MYO5B: variants seen among roughly 807,000 people sequenced by gnomAD.
MYO5B encodes myosin VB.
MYO5B carries 143 observed loss-of-function variants against 229.3 expected under a neutral mutation model. That is an observed-to-expected ratio of 0.62 (90% CI 0.54 to 0.72). The LOEUF is 0.72. Among genes scored for constraint, MYO5B ranks in the 30% least tolerant of loss-of-function variants. MYO5B has a pLI of 0.00. For missense variants in MYO5B, 2,321 were observed against 2,331.0 expected (o/e 1.00, Z 0.09); for synonymous variants, 918 against 885.2 (o/e 1.04, Z -0.66).
At chr18:50,186,142 C>G (rs1172671884) in intron 1 of MYO5B, among the ~76,000 whole-genome samples, 1 of 152,200 alleles carries the variant, frequency 6.6e-6, no homozygotes, top group Non-Finnish European at 1.5e-5. Flanking sequence ...TTTTCTAAGT[C>G]TTGGAAACCC....
chr18:49,932,197 C>T (rs1438372077), intron 16 of MYO5B, among the ~76,000 whole-genome samples: 1 of 152,236 alleles, frequency 6.6e-6, no homozygotes, highest in East Asian at 1.9e-4. Context: ...ATCCCCACAT[C>T]ATGCTTCCTG....
chr18:49,864,023 CGA>C (rs2024363619), intron 28 of MYO5B, 116 bp downstream of exon 28: 10 of 1,482,590 alleles, frequency 6.7e-6, no homozygotes, highest in Non-Finnish European at 9.1e-6. Flanking sequence ...GACCCCACAG[CGA>C]GAGACTCTGC....
At chr18:49,830,447 T>C (rs1440672712) in intron 39 of MYO5B, among the ~76,000 whole-genome samples, 1 of 152,182 alleles carries the variant, frequency 6.6e-6, no homozygotes, top group Non-Finnish European at 1.5e-5. Context: ...ACAGATTCAG[T>C]GCAATCCCTA....
chr18:50,171,685 G>A (rs2032921953), intron 1 of MYO5B, among the ~76,000 whole-genome samples: 1 of 128,230 alleles, frequency 7.8e-6, no homozygotes, highest in Non-Finnish European at 1.7e-5. Flanking sequence ...GTTCTGCAGT[G>A]TTGTTTCAGC....
At chr18:50,104,883 C>A (rs2031726651) in intron 1 of MYO5B, among the ~76,000 whole-genome samples, 1 of 151,970 alleles carries the variant, frequency 6.6e-6, no homozygotes, top group Non-Finnish European at 1.5e-5. Context: ...GCATAAACAC[C>A]AGCAATCACA....
At chr18:50,022,462 C>T (rs933895975) in intron 4 of MYO5B, among the ~76,000 whole-genome samples, 9 of 152,166 alleles carry the variant, frequency 5.9e-5, no homozygotes, top group Non-Finnish European at 1.3e-4. Flanking sequence ...CATTCTCCTT[C>T]CTCAACTCAA....
intron 1 of MYO5B, among the ~76,000 whole-genome samples, chr18:50,191,608 C>T (rs1174182624): frequency 2.6e-5 from 4 of 152,102 alleles, no homozygotes; most frequent in Admixed American, 1.3e-4. Context: ...AAAAGCAATC[C>T]GATATTAATT....
At chr18:49,965,330 C>A (rs1036416303) in intron 10 of MYO5B, among the ~76,000 whole-genome samples, 2 of 152,156 alleles carry the variant, frequency 1.3e-5, no homozygotes, top group Non-Finnish European at 2.9e-5. Flanking sequence ...TTGCAGCCCA[C>A]CTTATATGCT....
chr18:49,873,747 G>A (rs1048668172), intron 26 of MYO5B, among the ~76,000 whole-genome samples: 3 of 152,214 alleles, frequency 2.0e-5, no homozygotes, highest in African/African-American at 4.8e-5. Context: ...AGTCACGTTC[G>A]TAAGTGGGAA....
chr18:49,923,206 C>T (rs916783935), intron 17 of MYO5B, among the ~76,000 whole-genome samples: 20 of 152,316 alleles, frequency 1.3e-4, no homozygotes, highest in Middle Eastern at 3.4e-3. Context: ...GTCTCAACTC[C>T]TCAGTGAAGT....
At chr18:50,089,998 C>A (rs2031413458) in intron 1 of MYO5B, among the ~76,000 whole-genome samples, 1 of 152,206 alleles carries the variant, frequency 6.6e-6, no homozygotes, top group Non-Finnish European at 1.5e-5. Flanking sequence ...TCAAACACCA[C>A]CTCCTTCAGC....
chr18:50,087,320 C>T (rs560729815), intron 1 of MYO5B, among the ~76,000 whole-genome samples: 42 of 152,206 alleles, frequency 2.8e-4, no homozygotes, highest in East Asian at 2.3e-3. Flanking sequence ...GCCTGTAATC[C>T]CAGCATTTTG....
In MYO5B at chr18:49,912,094, T is replaced by G. The variant is rs1022805945; in HGVS notation, c.2170A>C (p.Ile724Leu). 6.2e-7 allele frequency: 1 copy of G among 1,614,036 alleles called. No individual in the cohort carries two copies. Residue 724 changes from isoleucine to leucine, a missense_variant, in exon 18 of 40, where the codon ATC becomes CTC. Ile to Leu is a conservative substitution (Grantham distance 5). This residue lies in a region of MYO5B where 2,113 missense variants were observed against 2,044.7 expected (regional missense o/e 1.03). Coordinates refer to ENST00000285039, the MANE Select transcript of MYO5B (RefSeq NM_001080467.3). ...AGGTTCTCCAGGACAGACCTGCAGA[T>G]GGCCTTTTTGTCTGTGTTGGCGAGC... ...RELANTDKKA[I>L]CRSVLENLIK...
chr18:49,998,387 T>C (rs2026012204), intron 5 of MYO5B, among the ~76,000 whole-genome samples: 2 of 152,298 alleles, frequency 1.3e-5, no homozygotes, highest in African/African-American at 4.8e-5. Flanking sequence ...ACACTCCTCC[T>C]TCAGACCTTA....
chr18:50,191,815 G>A (rs140581397), intron 1 of MYO5B, among the ~76,000 whole-genome samples: 2,414 of 152,252 alleles, frequency 0.016, 68 homozygotes, highest in African/African-American at 0.055. Flanking sequence ...CTAGAACAGG[G>A]TCTAGTTTGA....
chr18:49,895,274 T>C, intron 21 of MYO5B, 100 bp from the exon 22 acceptor site: 1 of 976,868 alleles, frequency 1.0e-6, no homozygotes, highest in East Asian at 2.5e-5. Flanking sequence ...AAAAAGGAAC[T>C]TCCAAGGTAG....
chr18:49,875,738 C>T lies in MYO5B; in HGVS notation c.3486G>A (p.Lys1162=). 1.9e-6 allele frequency: 3 copies of T among 1,614,184 alleles called. No individual in the cohort carries two copies. Among genetic ancestry groups the T allele is most frequent in the Middle Eastern group, 3.3e-4 (2 of 6,062 alleles). ...RVRELEQERK[K]LQVQLEKREQ... is the part of the protein sequence containing the mutation. The stretch of plus-strand genomic sequence containing the variant: ...CTCTCTTCTCCAGCTGCACTTGCAG[C>T]TTTTTCCTCTCCTGCTCCAGCTCCC... Residue 1162 remains lysine, a synonymous_variant, in exon 26 of 40, where the codon AAG becomes AAA. Transcript: ENST00000285039.
At chr18:49,924,791 T>G (rs1381175232) in intron 17 of MYO5B, among the ~76,000 whole-genome samples, 1 of 152,214 alleles carries the variant, frequency 6.6e-6, no homozygotes, top group Admixed American at 6.5e-5. Context: ...GCTCACTTCC[T>G]TGTCTGTGTC....
At chr18:49,902,979 G>C in intron 20 of MYO5B, 146 bp from the exon 21 acceptor site, 1 of 1,030,554 alleles carries the variant, frequency 9.7e-7, no homozygotes, top group Non-Finnish European at 1.4e-6. Context: ...TAAGATCTAA[G>C]GCTTTGGTGG....
Sources: gnomAD v4.1 joint callset for allele counts (sites outside exome capture counted in the v4.1 genomes callset) on GRCh38, gnomAD v4.1.1 for gene constraint, gnomAD v4.1.1 regional missense constraint, MANE v1.5 for transcripts, NCBI Gene and HGNC (gene_info 2026-07-23, HGNC 2026-07-21) for gene names.